IFI27L1: variants seen among roughly 807,000 people sequenced by gnomAD.
IFI27L1 encodes interferon alpha-inducible protein 27-like protein 1.
In IFI27L1, 3 loss-of-function variants were observed where a neutral mutation model predicts 9.2. The observed-to-expected ratio is 0.32, with a 90% CI of 0.15 to 0.84. The LOEUF (loss-of-function observed/expected upper bound fraction) is 0.84. Among genes scored for constraint, IFI27L1 ranks in the 40% least tolerant of loss-of-function variants. The pLI is 0.56. For synonymous variants in IFI27L1, 53 were observed against 50.0 expected (o/e 1.06, Z -0.26); for missense variants, 133 against 134.2 (o/e 0.99, Z 0.05).
At chr14:94,092,920 C>T (rs1231758604) in intron 1 of IFI27L1, among the ~76,000 whole-genome samples, 1 of 152,170 alleles carries the variant, frequency 6.6e-6, no homozygotes, top group Non-Finnish European at 1.5e-5. Flanking sequence ...GCCAGCCACC[C>T]TCCTGGGTTC....
At chr14:94,091,086 A>G (rs1048958083) in intron 1 of IFI27L1, among the ~76,000 whole-genome samples, 1 of 152,232 alleles carries the variant, frequency 6.6e-6, no homozygotes, top group Non-Finnish European at 1.5e-5. Flanking sequence ...TCTGATGCTC[A>G]TGAACATTTC....
intron 1 of IFI27L1, 155 bp from the exon 2 acceptor site, chr14:94,096,732 A>T: frequency 2.1e-6 from 1 of 475,710 alleles, no homozygotes; most frequent in Non-Finnish European, 3.8e-6. Context: ...TTAAATACTT[A>T]GGGTAGTTAC....
At chr14:94,086,508 A>AC (rs1886285354) in intron 1 of IFI27L1, among the ~76,000 whole-genome samples, 1 of 152,190 alleles carries the variant, frequency 6.6e-6, no homozygotes, top group African/African-American at 2.4e-5. Flanking sequence ...ATTAATCTAT[A>AC]ACCAGGGACG....
intron 1 of IFI27L1, among the ~76,000 whole-genome samples, chr14:94,093,850 G>A (rs1272275886): frequency 6.6e-6 from 1 of 152,122 alleles, no homozygotes; most frequent in Non-Finnish European, 1.5e-5. Context: ...TCAGTGCTCA[G>A]GAGCTTGGTA....
At chr14:94,099,820 C>A (rs1452436961) in intron 2 of IFI27L1, among the ~76,000 whole-genome samples, 1 of 146,504 alleles carries the variant, frequency 6.8e-6, no homozygotes. Context: ...AGGGAGGGTA[C>A]CATTTTGTTA....
intron 1 of IFI27L1, among the ~76,000 whole-genome samples, chr14:94,093,171 T>TC (rs1356695549): frequency 1.5e-4 from 22 of 148,370 alleles, no homozygotes; most frequent in African/African-American, 4.7e-4. Context: ...TCTTTTCTTT[T>TC]TTTTTTTTTT....
intron 1 of IFI27L1, among the ~76,000 whole-genome samples, chr14:94,081,921 T>G (rs1416411834): frequency 6.6e-6 from 1 of 152,190 alleles, no homozygotes; most frequent in Non-Finnish European, 1.5e-5. Context: ...GGCCTCTAAG[T>G]GTTCAAGTGA....
chr14:94,097,568 A>C (rs984006394), intron 2 of IFI27L1: 3 of 699,178 alleles, frequency 4.3e-6, no homozygotes, highest in Non-Finnish European at 7.8e-6. Context: ...GCAGAGGCAG[A>C]GAGACAAGTT....
intron 1 of IFI27L1, among the ~76,000 whole-genome samples, chr14:94,081,685 T>A (rs1468935992): frequency 6.6e-6 from 1 of 152,184 alleles, no homozygotes. Flanking sequence ...CATAGGGAGA[T>A]GTGCTCTGCT....
rs562032465 is a variant in IFI27L1, at chr14:94,083,379, C to T, written c.-52+1930C>T. On this transcript the variant is annotated intron_variant, in intron 1 of 4. Coordinates refer to ENST00000555523, the MANE Select transcript of IFI27L1 (RefSeq NM_206949.3). ...TGACAATGAAGGATTTAGAATATTT[C>T]GTAAACTTAGTTGATAAAGCAGTGG... 1.8e-4 allele frequency among the ~76,000 whole-genome samples: 28 copies of T among 152,280 alleles called. No homozygotes were observed. The East Asian group carries it at 5.2e-3, about 28-fold the overall frequency.
At chr14:94,101,697 G>C in intron 3 of IFI27L1, 117 bp from the exon 4 acceptor site, 14 of 1,033,284 alleles carry the variant, frequency 1.4e-5, no homozygotes, top group Non-Finnish European at 2.0e-5. Context: ...TCCCATCCCT[G>C]CTCAGTCTTT....
chr14:94,081,425 A>G lies in IFI27L1; in HGVS notation c.-76A>G, dbSNP rs1886100019. 6.6e-6 allele frequency: 1 copy of G among 152,162 alleles called. No homozygotes were observed. Among genetic ancestry groups the G allele is most frequent in the Non-Finnish European group, 1.5e-5 (1 of 68,062 alleles). The allele number at this position is 152,162 out of a possible 1,614,324, so 9.4% of individuals were successfully genotyped here. On this transcript the variant is annotated 5_prime_UTR_variant, in exon 1 of 5. Coordinates refer to ENST00000555523, the MANE Select transcript of IFI27L1 (RefSeq NM_206949.3). ...TTCTGTGTGCTCCCTCCGGCGAGAGACTTTGTCAGCTCCCGCACAGTAACG... is the reference window on the plus strand; with the variant it reads ...TTCTGTGTGCTCCCTCCGGCGAGAGGCTTTGTCAGCTCCCGCACAGTAACG...
chr14:94,102,277 T>A (rs1886929650), intron 4 of IFI27L1, among the ~76,000 whole-genome samples, 200 bp from the exon 5 acceptor site: 1 of 144,460 alleles, frequency 6.9e-6, no homozygotes, highest in African/African-American at 2.5e-5. Flanking sequence ...ACCAGAGTTC[T>A]TGCCTCCTCT....
rs148533447 is a variant in IFI27L1 at position 94,101,879 on chromosome 14, G to T, written c.127G>T (p.Ala43Ser). 1 of 1,614,212 alleles carries T rather than the reference G, an allele frequency of 6.2e-7. No homozygotes were observed. Among genetic ancestry groups the T allele is most frequent in the South Asian group, 1.1e-5 (1 of 91,082 alleles). ...GGGCTTCACCTCAGTAGGAATCGCCGCATCCTCCATAGCAGCCAAGATGAT... is the reference window on the plus strand; with the variant it reads ...GGGCTTCACCTCAGTAGGAATCGCCTCATCCTCCATAGCAGCCAAGATGAT... ...AMGFTSVGIA[A>S]SSIAAKMMST... The change falls in exon 4 of 5, where the codon GCA (alanine) becomes TCA (serine). Residue 43 changes from alanine to serine, a missense_variant. Ala to Ser is a moderately conservative substitution (Grantham distance 99, BLOSUM62 1). Transcript: ENST00000555523.
intron 2 of IFI27L1, 132 bp from the exon 3 acceptor site, chr14:94,100,607 A>C (rs1886856848): frequency 6.4e-7 from 1 of 1,568,080 alleles, no homozygotes; most frequent in Non-Finnish European, 8.6e-7. Flanking sequence ...CCTATGGCCT[A>C]GGATGAGTAG....
At chr14:94,085,218 G>A (rs1156950803) in intron 1 of IFI27L1, among the ~76,000 whole-genome samples, 1 of 152,192 alleles carries the variant, frequency 6.6e-6, no homozygotes, top group African/African-American at 2.4e-5. Flanking sequence ...TTCCCAGCAA[G>A]AAAATGGCTC....
At chr14:94,086,842 A>T (rs996930489) in intron 1 of IFI27L1, among the ~76,000 whole-genome samples, 1 of 152,234 alleles carries the variant, frequency 6.6e-6, no homozygotes, top group Non-Finnish European at 1.5e-5. Context: ...TTCTGCTTCT[A>T]TCATCAGTAG....
intron 2 of IFI27L1, chr14:94,100,501 C>T: frequency 2.0e-6 from 2 of 985,368 alleles, no homozygotes; most frequent in Non-Finnish European, 2.4e-6. Context: ...CAAGGCTGGG[C>T]AGAGGAGACA....
chr14:94,088,809 C>G (rs1219202647), intron 1 of IFI27L1, among the ~76,000 whole-genome samples: 1 of 152,116 alleles, frequency 6.6e-6, no homozygotes, highest in East Asian at 1.9e-4. Context: ...GGAGCTGTCT[C>G]CTAGTCTTCG....
Sources: allele counts gnomAD v4.1 joint callset (sites outside exome capture counted in the v4.1 genomes callset), GRCh38; gene constraint gnomAD v4.1.1; transcripts MANE v1.5; gene names NCBI Gene and HGNC (gene_info 2026-07-23, HGNC 2026-07-21).